The following CSMD1 variants were observed in gnomAD, a reference collection of about 807,000 sequenced individuals.
CSMD1 encodes the protein CUB and sushi domain-containing protein 1.
A neutral mutation model predicts 417.5 loss-of-function variants in CSMD1; 213 were observed. The ratio of observed to expected loss-of-function variants is 0.51; its 90% CI spans 0.46 to 0.57. The LOEUF is 0.57. Ranked by LOEUF, CSMD1 falls within the 20% of genes least tolerant of loss-of-function variation. CSMD1 has a pLI of 0.00. For missense variants in CSMD1, 6,923 were observed against 4,529.7 expected (o/e 1.53, Z -15.17); for synonymous variants, 2,862 against 1,736.8 (o/e 1.65, Z -16.11).
chr8:4,034,386 C>G (rs368328773), intron 3 of CSMD1, among the ~76,000 whole-genome samples: 41 of 152,282 alleles, frequency 2.7e-4, no homozygotes, highest in African/African-American at 9.1e-4. Flanking sequence ...CTACAGAAAT[C>G]TGTTTGAAAA....
chr8:3,108,244 T>C (rs911836006), intron 44 of CSMD1, among the ~76,000 whole-genome samples: 5 of 152,196 alleles, frequency 3.3e-5, no homozygotes, highest in Non-Finnish European at 5.9e-5. Flanking sequence ...CCCAGGATTA[T>C]TGGAGGTTTG....
Position 3,667,650 on chromosome 8 carries a change from A to G in CSMD1, c.1009+40764T>C, listed in dbSNP as rs147822797. Among the ~76,000 whole-genome samples, 84 of 152,318 alleles carry G rather than the reference A, an allele frequency of 5.5e-4. 2 individuals are homozygous for G. The East Asian group carries it at 0.015, about 28-fold the overall frequency. On this transcript the variant is annotated intron_variant, in intron 7 of 69. Coordinates refer to ENST00000635120, the MANE Select transcript of CSMD1 (RefSeq NM_033225.6). ...CTTATTTGGGTTGCTCTGGAAACCC[A>G]GGCCTTGGGGTGAAGAGCAGTTGTC...
intron 5 of CSMD1, among the ~76,000 whole-genome samples, chr8:3,979,435 G>C (rs957224447): frequency 2.5e-4 from 38 of 152,174 alleles, no homozygotes; most frequent in African/African-American, 6.8e-4. Context: ...AGAAGGCGTT[G>C]ATAAATGTGC....
rs911349991 is a variant in CSMD1, at chr8:3,697,832, T to C, written c.1009+10582A>G. 2.6e-5 allele frequency among the ~76,000 whole-genome samples: 4 copies of C among 152,196 alleles called. No individual in the cohort carries two copies. The East Asian group carries it at 5.8e-4, about 22-fold the overall frequency. ...ACTTCCTTTTTTAGGTCTGCCATCA[T>C]CTCCAGGTTGTTTCTCATTCACTAT... is the stretch of plus-strand genomic sequence containing the variant. On this transcript the variant is annotated intron_variant, in intron 7 of 69. Coordinates refer to ENST00000635120, the MANE Select transcript of CSMD1 (RefSeq NM_033225.6).
intron 4 of CSMD1, among the ~76,000 whole-genome samples, chr8:4,002,261 G>A (rs1037141586): frequency 1.3e-5 from 2 of 151,748 alleles, no homozygotes; most frequent in African/African-American, 2.4e-5. Flanking sequence ...GTATGTGTGT[G>A]TTTGTGTTTG....
rs557998148 is a variant in CSMD1 at position 2,951,243 on chromosome 8, A to G, written c.10072T>C (p.Trp3358Arg). 6.2e-7 allele frequency: 1 copy of G among 1,606,832 alleles called. No homozygotes were observed. The highest frequency in any genetic ancestry group is 1.3e-5 in the African/African-American group (1 of 74,886). The change falls in exon 66 of 70, where the codon TGG becomes CGG. Residue 3358 changes from tryptophan (W) to arginine (R), a missense_variant. Transcript: ENST00000635120. ...PSDVFFVNSLWKGYYEYLGKR... is the reference protein window; with the variant it reads ...PSDVFFVNSLRKGYYEYLGKR... ...CCTAAATATTCATAATACCCCTTCCACAGTGAATTGACGAAAAAGACATCT... is the reference window on the plus strand; with the variant it reads ...CCTAAATATTCATAATACCCCTTCCGCAGTGAATTGACGAAAAAGACATCT...
At chr8:3,618,697 G>A (rs1470960372) in intron 7 of CSMD1, among the ~76,000 whole-genome samples, 1 of 151,956 alleles carries the variant, frequency 6.6e-6, no homozygotes, top group East Asian at 1.9e-4. Flanking sequence ...AATTTTACAG[G>A]AGCGCTAAAT....
At chr8:3,926,192 T>A (rs1370839943) in intron 5 of CSMD1, among the ~76,000 whole-genome samples, 1 of 152,100 alleles carries the variant, frequency 6.6e-6, no homozygotes, top group Non-Finnish European at 1.5e-5. Flanking sequence ...TTCCCAGACA[T>A]GATTTTAAGT....
chr8:4,972,076 C>T (rs1584937210), intron 1 of CSMD1, among the ~76,000 whole-genome samples: 1 of 152,014 alleles, frequency 6.6e-6, no homozygotes, highest in Non-Finnish European at 1.5e-5. Flanking sequence ...CGATACCATA[C>T]CCGTTTTCAA....
At chr8:4,388,025 C>G (rs544520013) in intron 3 of CSMD1, among the ~76,000 whole-genome samples, 25 of 152,110 alleles carry the variant, frequency 1.6e-4, no homozygotes, top group Non-Finnish European at 3.5e-4. Flanking sequence ...CACCAAGCAT[C>G]TATTTTACCA....
rs1178747033 is a variant in CSMD1 at position 4,642,864 on chromosome 8, G to T, written c.86-5306C>A. ...ATTTTGACATGTAATTGGGTTTAGGGACTTAGAAAGATGTGGACTATACTG... is the reference window on the plus strand; with the variant it reads ...ATTTTGACATGTAATTGGGTTTAGGTACTTAGAAAGATGTGGACTATACTG... On this transcript the variant is annotated intron_variant, in intron 1 of 69. Coordinates refer to ENST00000635120, the MANE Select transcript of CSMD1 (RefSeq NM_033225.6). Among the ~76,000 whole-genome samples, 5 of 152,266 alleles carry T rather than the reference G, an allele frequency of 3.3e-5. No homozygotes were observed. In the South Asian group the frequency reaches 1.0e-3, roughly 32 times the overall value.
chr8:4,000,831 A>C (rs1249975781), intron 4 of CSMD1, among the ~76,000 whole-genome samples: 2 of 152,100 alleles, frequency 1.3e-5, no homozygotes. Flanking sequence ...ACACAGATGC[A>C]GAAGAAAAGA....
intron 3 of CSMD1, among the ~76,000 whole-genome samples, chr8:4,374,230 A>T (rs1445017048): frequency 6.6e-6 from 1 of 152,132 alleles, no homozygotes; most frequent in Non-Finnish European, 1.5e-5. Flanking sequence ...AGTCCCCACA[A>T]CATCATCACC....
chr8:4,153,640 G>C (rs1003708113), intron 3 of CSMD1, among the ~76,000 whole-genome samples: 2 of 152,168 alleles, frequency 1.3e-5, no homozygotes, highest in African/African-American at 4.8e-5. Flanking sequence ...TTGCAAGGCA[G>C]CTGACATCCT....
intron 41 of CSMD1, among the ~76,000 whole-genome samples, chr8:3,118,951 C>T (rs372613446): frequency 5.9e-5 from 9 of 152,068 alleles, no homozygotes; most frequent in Non-Finnish European, 8.8e-5. Context: ...GAGGCCGAGG[C>T]GGGAGGATCA....
intron 26 of CSMD1, among the ~76,000 whole-genome samples, chr8:3,246,211 T>C (rs1476165181): frequency 2.0e-5 from 3 of 152,152 alleles, no homozygotes; most frequent in African/African-American, 2.4e-5. Flanking sequence ...ATCAGGGCCC[T>C]GCCTGCCACA....
intron 2 of CSMD1, among the ~76,000 whole-genome samples, chr8:4,613,285 T>C (rs900915070): frequency 6.6e-6 from 1 of 152,202 alleles, no homozygotes; most frequent in Non-Finnish European, 1.5e-5. Context: ...ACGCCATCCA[T>C]GCTCCGAGTG....
intron 3 of CSMD1, among the ~76,000 whole-genome samples, chr8:4,272,058 T>C (rs1333609751): frequency 6.6e-6 from 1 of 152,286 alleles, no homozygotes; most frequent in Non-Finnish European, 1.5e-5. Context: ...AGTAGACCTG[T>C]GTAGTTCAAA....
intron 5 of CSMD1, among the ~76,000 whole-genome samples, chr8:3,967,295 T>G (rs1176835623): frequency 6.6e-6 from 1 of 152,174 alleles, no homozygotes; most frequent in East Asian, 1.9e-4. Flanking sequence ...GTTCCCTTTG[T>G]TCCTTCCCTT....
Sources: gnomAD v4.1 joint callset for allele counts (sites outside exome capture counted in the v4.1 genomes callset) on GRCh38, gnomAD v4.1.1 for gene constraint, MANE v1.5 for transcripts, NCBI Gene and HGNC (gene_info 2026-07-23, HGNC 2026-07-21) for gene names.